KRT86: variants seen among roughly 807,000 people sequenced by gnomAD.
KRT86 encodes the protein keratin 86.
In KRT86, 30 loss-of-function variants were observed where a neutral mutation model predicts 41.2. The observed-to-expected ratio is 0.73, with a 90% confidence interval of 0.54 to 0.99. KRT86 has a LOEUF of 0.99. Ranked by LOEUF, KRT86 falls within the 50% of genes least tolerant of loss-of-function variation. KRT86 has a pLI of 0.00. For synonymous variants in KRT86, 238 were observed against 238.1 expected (o/e 1.00, Z 0.00); for missense variants, 561 against 571.4 (o/e 0.98, Z 0.19).
chr12:52,286,510 C>G (rs1028797621), intron 2 of KRT86: 2 of 1,551,098 alleles, frequency 1.3e-6, no homozygotes, highest in Admixed American at 3.9e-5. Flanking sequence ...ACCCCGAAGG[C>G]TGAGTCAAAA....
In KRT86 at chr12:52,305,321, T is replaced by C. The variant is rs1565749637; in HGVS notation, c.817T>C (p.Cys273Arg). The change falls in exon 7 of 11, where the codon TGC becomes CGC. Residue 273 changes from cysteine (C) to arginine (R), a missense_variant. By Grantham distance (180) the Cys-to-Arg change is radical. This residue lies in a region of KRT86 where 397 missense variants were observed against 375.9 expected (regional missense o/e 1.06). Transcript: ENST00000423955. ...CAACAGCCGGGACCTGAACATGGACTGCATCATTGCCGAGATCAAGGCACA... is the reference window on the plus strand; with the variant it reads ...CAACAGCCGGGACCTGAACATGGACCGCATCATTGCCGAGATCAAGGCACA... Reference protein sequence around the residue: ...LDNSRDLNMDCIIAEIKAQYD... With the variant: ...LDNSRDLNMDRIIAEIKAQYD... 17 of 1,614,102 alleles carry C rather than the reference T, an allele frequency of 1.1e-5. No individual in the cohort carries two copies. Among genetic ancestry groups the C allele is most frequent in the Non-Finnish European group, 1.4e-5 (17 of 1,180,046 alleles).
Position 52,305,419 on chromosome 12 carries a change from A to C in KRT86, c.900+15A>C. 1 of 1,614,196 alleles carries C rather than the reference A, an allele frequency of 6.2e-7. No homozygotes were observed. The highest frequency in any genetic ancestry group is 2.2e-5 in the East Asian group (1 of 44,878). On this transcript the variant is annotated intron_variant, in intron 7 of 10. Transcript: ENST00000423955. ...ACCGCAGCAAGGTGAGTGGCACAGG[A>C]CACCTGCCTGCTAGACATGGCAGTG... is the stretch of plus-strand genomic sequence containing the variant.
intron 2 of KRT86, chr12:52,287,553 T>C (rs770803573): frequency 1.9e-6 from 3 of 1,613,810 alleles, no homozygotes; most frequent in Non-Finnish European, 2.5e-6. Flanking sequence ...TGACAATGGT[T>C]AGGCCCTCGG....
At chr12:52,278,170 T>C (rs1162957482) in intron 2 of KRT86, among the ~76,000 whole-genome samples, 1 of 152,160 alleles carries the variant, frequency 6.6e-6, no homozygotes, top group Non-Finnish European at 1.5e-5. Flanking sequence ...GTCACCAGGC[T>C]AGGGGAGGGA....
chr12:52,306,292 A>C lies in KRT86; in HGVS notation c.1247+12A>C. On this transcript the variant is annotated intron_variant, in intron 9 of 10. Coordinates refer to ENST00000423955, the MANE Select transcript of KRT86 (RefSeq NM_001320198.2). ...GGCGAGGAGCAGAGGTGGGTCCCAT[A>C]GACCTTTCCCTTTCCCAGCCCTGCC... 1 of 1,613,184 alleles carries C rather than the reference A, an allele frequency of 6.2e-7. No individual in the cohort carries two copies. Among genetic ancestry groups the C allele is most frequent in the Non-Finnish European group, 8.5e-7 (1 of 1,180,014 alleles).
chr12:52,308,441 T>A lies in KRT86; in HGVS notation c.1317T>A (p.Asp439Glu). The change falls in exon 11 of 11, where the codon GAT (aspartate) becomes GAA (glutamate). Residue 439 changes from aspartate to glutamate, a missense_variant. Transcript: ENST00000423955. ...SSSRGGVVCG[D>E]LCASTTAPVV... The stretch of plus-strand genomic sequence containing the variant: ...CCCGCGGTGGCGTTGTCTGTGGCGA[T>A]CTCTGCGCCTCCACTACTGCCCCTG... The A allele has an allele frequency of 6.2e-7, 1 of 1,612,018 alleles. No individual in the cohort carries two copies. The highest frequency in any genetic ancestry group is 8.5e-7 in the Non-Finnish European group (1 of 1,179,790).
chr12:52,286,492 A>C (rs954638718), intron 2 of KRT86: 1 of 1,552,040 alleles, frequency 6.4e-7, no homozygotes, highest in Admixed American at 1.9e-5. Flanking sequence ...AGCTGCTGAC[A>C]CCTGTGAACC....
At chr12:52,298,745 T>C (rs1938306030) in intron 2 of KRT86, among the ~76,000 whole-genome samples, 1 of 152,268 alleles carries the variant, frequency 6.6e-6, no homozygotes, top group Non-Finnish European at 1.5e-5. Flanking sequence ...GTTTGGAATC[T>C]GAGTCTGTGT....
intron 2 of KRT86, among the ~76,000 whole-genome samples, chr12:52,299,572 A>G (rs1938325537): frequency 6.6e-6 from 1 of 152,204 alleles, no homozygotes; most frequent in African/African-American, 2.4e-5. Context: ...GCAGTGTACA[A>G]GTGTTCCCCT....
intron 2 of KRT86, among the ~76,000 whole-genome samples, chr12:52,299,486 G>A (rs1422966306): frequency 1.3e-5 from 2 of 152,164 alleles, no homozygotes; most frequent in African/African-American, 4.8e-5. Flanking sequence ...TGGATCACCT[G>A]GTGGTTCTAT....
At chr12:52,282,113 A>G (rs1937786501) in intron 2 of KRT86, among the ~76,000 whole-genome samples, 1 of 152,218 alleles carries the variant, frequency 6.6e-6, no homozygotes, top group South Asian at 2.1e-4. Context: ...AGTAACTATC[A>G]GAGGGTTGTT....
chr12:52,282,185 A>G (rs1937788744), intron 2 of KRT86, among the ~76,000 whole-genome samples: 3 of 151,982 alleles, frequency 2.0e-5, no homozygotes, highest in Non-Finnish European at 4.4e-5. Flanking sequence ...AAGTGTAACT[A>G]TTATTTCACT....
At chr12:52,297,985 A>T (rs994342633) in intron 2 of KRT86, among the ~76,000 whole-genome samples, 3 of 152,228 alleles carry the variant, frequency 2.0e-5, no homozygotes, top group Non-Finnish European at 4.4e-5. Context: ...AATAAAGATG[A>T]GTGAGTGTGC....
intron 9 of KRT86, chr12:52,306,565 C>T: frequency 1.8e-6 from 1 of 562,106 alleles, no homozygotes; most frequent in Middle Eastern, 4.8e-4. Context: ...TTGGGGTCAG[C>T]TTGCCTGGGT....
Position 52,306,243 on chromosome 12 carries a change from G to A in KRT86, c.1210G>A (p.Ala404Thr), listed in dbSNP as rs757946783. 2 of 1,613,614 alleles carry A rather than the reference G, an allele frequency of 1.2e-6. No individual in the cohort carries two copies. Among genetic ancestry groups the A allele is most frequent in the Non-Finnish European group, 1.7e-6 (2 of 1,180,018 alleles). Residue 404 changes from alanine to threonine, a missense_variant, in exon 9 of 11, where the codon GCC becomes ACC. Physicochemically the swap from Ala to Thr is moderately conservative, Grantham distance 58. This residue lies in a region of KRT86 where 397 missense variants were observed against 375.9 expected (regional missense o/e 1.06). Coordinates refer to ENST00000423955, the MANE Select transcript of KRT86 (RefSeq NM_001320198.2). Reference sequence around the variant, plus strand: ...CAAGCTGGGCCTGGACATCGAGATCGCCACCTACAGGCGCCTGCTGGAGGG... The same window carrying A: ...CAAGCTGGGCCTGGACATCGAGATCACCACCTACAGGCGCCTGCTGGAGGG... Reference protein sequence around the residue: ...NSKLGLDIEIATYRRLLEGEE... With the variant: ...NSKLGLDIEITTYRRLLEGEE...
chr12:52,297,580 A>G (rs1938280478), intron 2 of KRT86, among the ~76,000 whole-genome samples: 1 of 152,100 alleles, frequency 6.6e-6, no homozygotes, highest in Non-Finnish European at 1.5e-5. Context: ...AAAACCACCT[A>G]ATTTGCCCAT....
chr12:52,284,571 G>C (rs1182732585), intron 2 of KRT86, among the ~76,000 whole-genome samples: 2 of 152,206 alleles, frequency 1.3e-5, no homozygotes, highest in African/African-American at 4.8e-5. Context: ...GAACTTTCTA[G>C]GATTGTGTCC....
intron 2 of KRT86, chr12:52,288,582 C>A: frequency 8.7e-7 from 1 of 1,154,172 alleles, no homozygotes. Context: ...CCATGCCTTT[C>A]CTCCCCTTCT....
chr12:52,288,273 A>G (rs1034506589), intron 2 of KRT86: 1 of 1,603,102 alleles, frequency 6.2e-7, no homozygotes, highest in African/African-American at 1.3e-5. Context: ...AGGGACTGCA[A>G]CCTCTACCCA....
Sources: gnomAD v4.1 joint callset for allele counts (sites outside exome capture counted in the v4.1 genomes callset) on GRCh38, gnomAD v4.1.1 for gene constraint, gnomAD v4.1.1 regional missense constraint, MANE v1.5 for transcripts, NCBI Gene and HGNC (gene_info 2026-07-23, HGNC 2026-07-21) for gene names.